NOL4L: variants seen among roughly 807,000 people sequenced by gnomAD.
NOL4L encodes nucleolar protein 4 like, also known as nucleolar protein 4-like.
A neutral mutation model predicts 64.5 loss-of-function variants in NOL4L; 7 were observed. The observed-to-expected ratio is 0.11, with a 90% CI of 0.06 to 0.20. The LOEUF (loss-of-function observed/expected upper bound fraction) is 0.20, where lower values mean the gene tolerates loss of function less well. Among genes scored for constraint, NOL4L ranks in the 10% least tolerant of loss-of-function variants. NOL4L has a pLI of 1.00. For synonymous variants in NOL4L, 413 were observed against 401.0 expected, an observed-to-expected ratio of 1.03 and a Z score of -0.36; for missense variants, 680 against 967.1, an observed-to-expected ratio of 0.70 and a Z score of 3.94.
At chr20:32,508,103 G>A (rs1568667799) in intron 4 of NOL4L, among the ~76,000 whole-genome samples, 2 of 152,214 alleles carry the variant, frequency 1.3e-5, no homozygotes, top group African/African-American at 2.4e-5. Flanking sequence ...ACCTGCATTA[G>A]AAATTTGCAA....
chr20:32,486,244 C>T (rs1046922558), intron 4 of NOL4L, among the ~76,000 whole-genome samples: 7 of 152,162 alleles, frequency 4.6e-5, no homozygotes, highest in African/African-American at 1.7e-4. Flanking sequence ...GCCACTCCCC[C>T]ACTCCTTAAA....
chr20:32,485,369 G>A (rs2145504754), intron 4 of NOL4L, among the ~76,000 whole-genome samples: 1 of 152,276 alleles, frequency 6.6e-6, no homozygotes, highest in Non-Finnish European at 1.5e-5. Flanking sequence ...ACAGCCGCGA[G>A]TGCGAAGTAC....
At chr20:32,477,529 G>T (rs1239723547) in intron 4 of NOL4L, among the ~76,000 whole-genome samples, 6 of 152,238 alleles carry the variant, frequency 3.9e-5, no homozygotes, top group African/African-American at 1.4e-4. Context: ...GGACCAGACT[G>T]TATGTCCTCT....
intron 1 of NOL4L, among the ~76,000 whole-genome samples, chr20:32,569,640 C>A (rs1979639886): frequency 6.6e-6 from 1 of 152,126 alleles, no homozygotes; most frequent in Admixed American, 6.5e-5. Context: ...TGGAGCTCAG[C>A]AAGCCTGGCA....
chr20:32,469,364 T>A (rs2014831114), intron 5 of NOL4L, among the ~76,000 whole-genome samples: 1 of 151,248 alleles, frequency 6.6e-6, no homozygotes, highest in Admixed American at 6.6e-5. Context: ...TTTTTCTATT[T>A]TTTTTTCTTT....
chr20:32,512,334 C>A (rs1355800048), intron 3 of NOL4L, among the ~76,000 whole-genome samples: 1 of 152,148 alleles, frequency 6.6e-6, no homozygotes, highest in Non-Finnish European at 1.5e-5. Flanking sequence ...TGAACACATG[C>A]CACTCTCACC....
chr20:32,506,979 T>G (rs1272214933), intron 4 of NOL4L, among the ~76,000 whole-genome samples: 1 of 152,120 alleles, frequency 6.6e-6, no homozygotes, highest in African/African-American at 2.4e-5. Context: ...AGCGGGACAT[T>G]AGCTCTGCTC....
chr20:32,485,349 G>A (rs114578191), intron 4 of NOL4L, among the ~76,000 whole-genome samples: 1,643 of 152,204 alleles, frequency 0.011, 37 homozygotes, highest in African/African-American at 0.038. Context: ...TGGTAAACAA[G>A]GCTCCCTCTA....
In NOL4L at chr20:32,443,664, A is replaced by ATGTC. The variant is rs1309141820; in HGVS notation, c.*3928_*3931dup. On this transcript the variant is annotated 3_prime_UTR_variant, in exon 11 of 11. Transcript: ENST00000621426. ...TATGGAACTCATGCTCTTCCAAAAC[A>ATGTC]TGTCTAAATTATGCCAGAGGACTAA... 6.6e-6 allele frequency: 1 copy of ATGTC among 152,206 alleles called. No individual in the cohort carries two copies. The highest frequency in any genetic ancestry group is 1.5e-5 in the Non-Finnish European group (1 of 68,038). The allele number at this position is 152,206 out of a possible 1,614,324, so 9.4% of individuals were successfully genotyped here.
At chr20:32,468,550 C>G (rs1429696406) in intron 5 of NOL4L, among the ~76,000 whole-genome samples, 1 of 152,162 alleles carries the variant, frequency 6.6e-6, no homozygotes, top group East Asian at 1.9e-4. Context: ...ACAGGAGACT[C>G]AGGCCACATG....
chr20:32,470,342 C>T lies in NOL4L; in HGVS notation c.841+4259G>A, dbSNP rs144634993. Among the ~76,000 whole-genome samples, 112 of 152,358 alleles carry T rather than the reference C, an allele frequency of 7.4e-4. No homozygotes were observed. The Middle Eastern group carries it at 0.02, about 28-fold the overall frequency. On this transcript the variant is annotated intron_variant, in intron 5 of 10. Transcript: ENST00000621426. ...TGGGCCAGCCCCGGCCTGCAGGAGG[C>T]GCACTGGCTCACCTGCCTCCGTGCA... is the stretch of plus-strand genomic sequence containing the variant.
At position 32,543,970 on chromosome 20, in the gene NOL4L, T is replaced by G. The variant is rs376147822; in HGVS notation, c.322-16057A>C. Among the ~76,000 whole-genome samples the G allele has an allele frequency of 2.6e-5, 4 of 152,220 alleles. No individual in the cohort carries two copies. The East Asian group carries it at 7.7e-4, about 29-fold the overall frequency. ...AAGGCCAACAGCCTGTGCAAAGGTCTTCAGGCAGGCAGGCGGCCGGCATCG... is the reference window on the plus strand; with the variant it reads ...AAGGCCAACAGCCTGTGCAAAGGTCGTCAGGCAGGCAGGCGGCCGGCATCG... On this transcript the variant is annotated intron_variant, in intron 1 of 10. Coordinates refer to ENST00000621426, the MANE Select transcript of NOL4L (RefSeq NM_001256798.2).
At chr20:32,509,471 T>A (rs556825916) in intron 4 of NOL4L, among the ~76,000 whole-genome samples, 2 of 142,360 alleles carry the variant, frequency 1.4e-5, no homozygotes, top group Admixed American at 7.4e-5. Context: ...TGAGCCGAGA[T>A]TGGGCCACTG....
intron 4 of NOL4L, among the ~76,000 whole-genome samples, chr20:32,478,668 T>C (rs1380506406): frequency 2.0e-5 from 3 of 152,168 alleles, no homozygotes; most frequent in African/African-American, 4.8e-5. Context: ...AGTGGTGCAA[T>C]AGTGGCTAAC....
intron 1 of NOL4L, among the ~76,000 whole-genome samples, chr20:32,575,163 C>T (rs1208801598): frequency 1.3e-5 from 2 of 152,174 alleles, no homozygotes; most frequent in Non-Finnish European, 2.9e-5. Context: ...GAGAACCCTC[C>T]TGTGAGCTCC....
At chr20:32,488,787 CTTCCTTTCTTTCTTTCTT>C (rs1568647798) in intron 4 of NOL4L, among the ~76,000 whole-genome samples, 1,320 of 40,648 alleles carry the variant, frequency 0.032, 68 homozygotes, top group African/African-American at 0.098. Context: ...TCCTTCCTTC[CTTCCTTTCTTTCTTTCTT>C]TTTCTTTCTT....
intron 1 of NOL4L, among the ~76,000 whole-genome samples, chr20:32,542,573 C>G (rs896251088): frequency 6.6e-6 from 1 of 152,072 alleles, no homozygotes; most frequent in Non-Finnish European, 1.5e-5. Flanking sequence ...ACGCTGGTCT[C>G]GAACTACTGG....
intron 4 of NOL4L, among the ~76,000 whole-genome samples, chr20:32,488,802 T>C (rs61010082): frequency 0.17 from 5,227 of 30,730 alleles, 431 homozygotes; most frequent in East Asian, 0.39. Context: ...TTTCTTTCTT[T>C]CTTTTTCTTT....
chr20:32,478,979 A>C (rs2015567525), intron 4 of NOL4L, among the ~76,000 whole-genome samples: 1 of 152,224 alleles, frequency 6.6e-6, no homozygotes, highest in Non-Finnish European at 1.5e-5. Flanking sequence ...GACTTACACA[A>C]ACCCTTCAAC....
Sources: gnomAD v4.1 joint callset for allele counts (sites outside exome capture counted in the v4.1 genomes callset) on GRCh38, gnomAD v4.1.1 for gene constraint, MANE v1.5 for transcripts, NCBI Gene and HGNC (gene_info 2026-07-23, HGNC 2026-07-21) for gene names.